Variants in SDK1 observed in about 807,000 individuals in gnomAD.
The protein encoded by SDK1 is protein sidekick-1.
A neutral mutation model predicts 245.5 loss-of-function variants in SDK1; 157 were observed. The ratio of observed to expected loss-of-function variants is 0.64; its 90% CI spans 0.56 to 0.73. The LOEUF is 0.73. Among genes scored for constraint, SDK1 ranks in the 30% least tolerant of loss-of-function variants. SDK1 has a pLI of 0.00. For synonymous variants in SDK1, 1,647 were observed against 1,278.5 expected, an observed-to-expected ratio of 1.29 and a Z score of -6.15; for missense variants, 3,583 against 3,002.3, an observed-to-expected ratio of 1.19 and a Z score of -4.52.
intron 17 of SDK1, among the ~76,000 whole-genome samples, chr7:4,037,313 G>C (rs1788293040): frequency 6.6e-6 from 1 of 152,144 alleles, no homozygotes; most frequent in Non-Finnish European, 1.5e-5. Flanking sequence ...GCGTGAGTCT[G>C]AATCTCTCAA....
At chr7:3,364,192 T>A (rs915992626) in intron 1 of SDK1, among the ~76,000 whole-genome samples, 2 of 152,248 alleles carry the variant, frequency 1.3e-5, no homozygotes, top group African/African-American at 2.4e-5. Flanking sequence ...ACTAGGCATT[T>A]GTTGAACATT....
In SDK1 at chr7:4,183,150, C is replaced by A. The variant is rs555961678; in HGVS notation, c.5098+4564C>A. On this transcript the variant is annotated intron_variant, in intron 35 of 44. Coordinates refer to ENST00000404826, the MANE Select transcript of SDK1 (RefSeq NM_152744.4). The stretch of plus-strand genomic sequence containing the variant: ...CCACCTCTGAGCGGGGCCACAGGAC[C>A]CCCTAAGCCGTGAGTCGTGAGTCAT... Among the ~76,000 whole-genome samples the A allele has an allele frequency of 2.1e-4, 32 of 152,252 alleles. No individual in the cohort carries two copies. The South Asian group carries it at 6.2e-3, about 30-fold the overall frequency.
intron 34 of SDK1, among the ~76,000 whole-genome samples, chr7:4,177,309 G>A (rs188332514): frequency 2.6e-5 from 4 of 152,318 alleles, no homozygotes; most frequent in East Asian, 1.9e-4. Context: ...ATGGGACCTC[G>A]GAAAAGCCAA....
Position 3,757,274 on chromosome 7 carries a change from C to T in SDK1, c.714-64176C>T, listed in dbSNP as rs143048768. 2.6e-4 allele frequency among the ~76,000 whole-genome samples: 40 copies of T among 152,280 alleles called. No homozygotes were observed. The East Asian group carries it at 7.7e-3, about 29-fold the overall frequency. The stretch of plus-strand genomic sequence containing the variant: ...GCTCACAGAACTACTCAGGAAGTCA[C>T]TTTACTTACTTCCTTTTTTTGAGAC... On this transcript the variant is annotated intron_variant, in intron 4 of 44. Coordinates refer to ENST00000404826, the MANE Select transcript of SDK1 (RefSeq NM_152744.4).
At chr7:3,587,407 G>C (rs548547734) in intron 1 of SDK1, among the ~76,000 whole-genome samples, 8 of 152,162 alleles carry the variant, frequency 5.3e-5, no homozygotes, top group Admixed American at 1.3e-4. Flanking sequence ...GCTGCAAAGT[G>C]GAGACCCAGG....
intron 4 of SDK1, among the ~76,000 whole-genome samples, chr7:3,794,374 G>A (rs1453565780): frequency 6.6e-6 from 1 of 152,048 alleles, no homozygotes; most frequent in African/African-American, 2.4e-5. Context: ...GGCATATATG[G>A]CAAGGGCATA....
chr7:3,873,856 T>C (rs2115137526), intron 5 of SDK1, among the ~76,000 whole-genome samples: 1 of 152,340 alleles, frequency 6.6e-6, no homozygotes, highest in East Asian at 1.9e-4. Context: ...CTATATGTTA[T>C]TTACTATTAG....
chr7:3,548,448 T>G (rs906010706), intron 1 of SDK1, among the ~76,000 whole-genome samples: 22 of 152,308 alleles, frequency 1.4e-4, no homozygotes, highest in African/African-American at 5.1e-4. Flanking sequence ...TAATGCGAGA[T>G]TACGAGTCCC....
At chr7:3,448,324 A>C (rs1049235128) in intron 1 of SDK1, among the ~76,000 whole-genome samples, 2 of 152,064 alleles carry the variant, frequency 1.3e-5, no homozygotes, top group Non-Finnish European at 2.9e-5. Context: ...ATTTCTGCTC[A>C]TATTATCTGG....
At chr7:3,667,208 T>G (rs1392919190) in intron 4 of SDK1, among the ~76,000 whole-genome samples, 1 of 152,238 alleles carries the variant, frequency 6.6e-6, no homozygotes, top group African/African-American at 2.4e-5. Context: ...CCATGAAGTT[T>G]ATATAGTGTG....
intron 5 of SDK1, among the ~76,000 whole-genome samples, chr7:3,848,119 T>C (rs116798517): frequency 0.015 from 2,218 of 152,352 alleles, 65 homozygotes; most frequent in African/African-American, 0.051. Flanking sequence ...CATCTCGAGC[T>C]GTTATGATGA....
intron 25 of SDK1, among the ~76,000 whole-genome samples, chr7:4,116,293 T>C (rs1478653717): frequency 6.6e-6 from 1 of 152,034 alleles, no homozygotes; most frequent in African/African-American, 2.4e-5. Context: ...CTGCAATGGG[T>C]GCAGGTATTC....
intron 32 of SDK1, among the ~76,000 whole-genome samples, chr7:4,172,434 G>A (rs1010359115): frequency 1.3e-5 from 2 of 152,186 alleles, no homozygotes; most frequent in Non-Finnish European, 2.9e-5. Flanking sequence ...GAGAGCCTGG[G>A]GAGCAAAGAA....
At chr7:4,240,965 G>T (rs1786481285) in intron 42 of SDK1, among the ~76,000 whole-genome samples, 1 of 152,210 alleles carries the variant, frequency 6.6e-6, no homozygotes, top group Non-Finnish European at 1.5e-5. Flanking sequence ...CAAGCTTGGG[G>T]GCAGTTTGGA....
At chr7:3,625,072 A>G (rs1337307611) in intron 2 of SDK1, among the ~76,000 whole-genome samples, 1 of 152,142 alleles carries the variant, frequency 6.6e-6, no homozygotes, top group Non-Finnish European at 1.5e-5. Context: ...ATATATTCAA[A>G]TGAGTTCTCA....
intron 5 of SDK1, among the ~76,000 whole-genome samples, chr7:3,933,470 C>A (rs191365737): frequency 2.1e-4 from 32 of 152,138 alleles, no homozygotes; most frequent in African/African-American, 7.5e-4. Context: ...TTGGAATGAA[C>A]GCTATCAAAG....
At chr7:4,060,206 T>C (rs1779448449) in intron 19 of SDK1, among the ~76,000 whole-genome samples, 1 of 152,084 alleles carries the variant, frequency 6.6e-6, no homozygotes, top group African/African-American at 2.4e-5. Flanking sequence ...CAAATGAAAA[T>C]TGAAATACGA....
chr7:4,165,049 TTTTTG>T (rs552473360), intron 32 of SDK1, among the ~76,000 whole-genome samples: 1 of 152,202 alleles, frequency 6.6e-6, no homozygotes, highest in Admixed American at 6.5e-5. Context: ...CCTTTTGTGT[TTTTTG>T]TTTTGTTTTG....
intron 1 of SDK1, among the ~76,000 whole-genome samples, chr7:3,353,667 G>C (rs1780718211): frequency 6.6e-6 from 1 of 152,160 alleles, no homozygotes; most frequent in Non-Finnish European, 1.5e-5. Flanking sequence ...TATTACAAGG[G>C]ATGATATTTC....
Sources: gnomAD v4.1 joint callset for allele counts (sites outside exome capture counted in the v4.1 genomes callset) on GRCh38, gnomAD v4.1.1 for gene constraint, MANE v1.5 for transcripts, NCBI Gene and HGNC (gene_info 2026-07-23, HGNC 2026-07-21) for gene names.